COL22A1: variants seen among roughly 807,000 people sequenced by gnomAD.
The protein encoded by COL22A1 is collagen type XXII alpha 1 chain.
COL22A1 carries 221 observed loss-of-function variants against 248.9 expected under a neutral mutation model. The ratio of observed to expected loss-of-function variants is 0.89; its 90% CI spans 0.80 to 0.99. COL22A1 has a LOEUF of 0.99. Among genes scored for constraint, COL22A1 ranks in the 50% least tolerant of loss-of-function variants. The pLI is 0.00. For synonymous variants in COL22A1, 891 were observed against 793.4 expected, an observed-to-expected ratio of 1.12 and a Z score of -2.07; for missense variants, 2,240 against 2,179.0, an observed-to-expected ratio of 1.03 and a Z score of -0.56.
In COL22A1 at chr8:138,882,162, G is replaced by C. The variant is rs139188992; in HGVS notation, c.91+920C>G. ...CGAGCTCCAAACCTGCACACACTTG[G>C]TAGAGACAGGCTCACAACCCAGGAT... On this transcript the variant is annotated intron_variant, in intron 2 of 64. Transcript: ENST00000303045. 9.0e-3 allele frequency among the ~76,000 whole-genome samples: 1,368 copies of C among 152,116 alleles called. 20 individuals carry two copies. The highest frequency in any genetic ancestry group is 0.034 in the Middle Eastern group (10 of 294).
At chr8:138,751,017 A>G (rs949357741) in intron 22 of COL22A1, among the ~76,000 whole-genome samples, 1 of 130,484 alleles carries the variant, frequency 7.7e-6, no homozygotes, top group African/African-American at 2.9e-5. Flanking sequence ...TTAATTAAAT[A>G]CCATGAGATA....
intron 1 of COL22A1, among the ~76,000 whole-genome samples, chr8:138,895,107 T>C (rs933593162): frequency 6.6e-6 from 1 of 151,892 alleles, no homozygotes; most frequent in Non-Finnish European, 1.5e-5. Flanking sequence ...TGTATTTTTT[T>C]GGGGTGGTAT....
intron 50 of COL22A1, among the ~76,000 whole-genome samples, chr8:138,629,916 C>A (rs922868820): frequency 6.6e-6 from 1 of 152,188 alleles, no homozygotes; most frequent in South Asian, 2.1e-4. Context: ...TGACCCTGAA[C>A]TGGCCATTTC....
intron 4 of COL22A1, among the ~76,000 whole-genome samples, chr8:138,837,465 G>A (rs1820523296): frequency 6.6e-6 from 1 of 152,170 alleles, no homozygotes; most frequent in Non-Finnish European, 1.5e-5. Flanking sequence ...CAGCCCACCT[G>A]AACAGGACCT....
At chr8:138,902,782 AC>A (rs1814711645) in intron 1 of COL22A1, among the ~76,000 whole-genome samples, 6 of 150,486 alleles carry the variant, frequency 4.0e-5, no homozygotes, top group African/African-American at 1.5e-4. Flanking sequence ...ACACACACAC[AC>A]ACTAGAACTG....
chr8:138,808,962 C>T (rs1817951638), intron 9 of COL22A1, among the ~76,000 whole-genome samples: 2 of 152,208 alleles, frequency 1.3e-5, no homozygotes. Context: ...AAATGTTTTG[C>T]AAACTCAATT....
intron 52 of COL22A1, among the ~76,000 whole-genome samples, chr8:138,621,975 C>T (rs1015446837): frequency 6.6e-6 from 1 of 152,214 alleles, no homozygotes; most frequent in African/African-American, 2.4e-5. Context: ...CTTTTGCTCT[C>T]AGCAATGAAT....
At chr8:138,839,715 G>A (rs978827832) in intron 4 of COL22A1, among the ~76,000 whole-genome samples, 6 of 152,156 alleles carry the variant, frequency 3.9e-5, no homozygotes. Context: ...TATCTGGATG[G>A]GGGGCCCAAG....
intron 16 of COL22A1, among the ~76,000 whole-genome samples, chr8:138,770,379 ACCTGGACCT>A (rs1834261491): frequency 2.0e-5 from 3 of 152,176 alleles, no homozygotes; most frequent in Admixed American, 2.0e-4. Flanking sequence ...GGGCTCCGCC[ACCTGGACCT>A]CCTCATGCCT....
intron 41 of COL22A1, among the ~76,000 whole-genome samples, chr8:138,674,634 G>GA (rs1180704473): frequency 6.6e-6 from 1 of 152,134 alleles, no homozygotes; most frequent in Non-Finnish European, 1.5e-5. Context: ...GTGGCAGGTG[G>GA]GGTGAATTGT....
intron 30 of COL22A1, among the ~76,000 whole-genome samples, chr8:138,710,603 C>CTATATATA (rs1262617199): frequency 1.0e-5 from 1 of 97,922 alleles, no homozygotes; most frequent in Admixed American, 1.1e-4. Context: ...ATCTATCTAT[C>CTATATATA]TATCTATATA....
At chr8:138,730,769 C>T (rs535891013) in intron 23 of COL22A1, among the ~76,000 whole-genome samples, 1 of 151,688 alleles carries the variant, frequency 6.6e-6, no homozygotes, top group African/African-American at 2.4e-5. Context: ...AGGAGCATCT[C>T]GAAAAGTGGG....
intron 9 of COL22A1, among the ~76,000 whole-genome samples, chr8:138,808,855 C>T (rs1388011400): frequency 3.3e-5 from 5 of 152,316 alleles, no homozygotes; most frequent in South Asian, 2.1e-4. Context: ...CCTCACCTAG[C>T]GCCCACAAGA....
At position 138,588,401 on chromosome 8, in the gene COL22A1, A is replaced by C. The variant is rs1348601144; in HGVS notation, c.*852T>G. On this transcript the variant is annotated 3_prime_UTR_variant, in exon 65 of 65. Transcript: ENST00000303045. ...AACTGCCCATCATTAGGGAAACACAAGTGGATGGTCACCACATCCACTTGT... is the reference window on the plus strand; with the variant it reads ...AACTGCCCATCATTAGGGAAACACACGTGGATGGTCACCACATCCACTTGT... 6.6e-6 allele frequency: 1 copy of C among 152,206 alleles called. No homozygotes were observed. Among genetic ancestry groups the C allele is most frequent in the Non-Finnish European group, 1.5e-5 (1 of 68,042 alleles). The allele number at this position is 152,206 out of a possible 1,614,324, so 9.4% of individuals were successfully genotyped here. A position where few individuals can be genotyped will look rare whatever the true frequency, so the allele number is the denominator to read the frequency against.
At chr8:138,888,491 A>C (rs1824829791) in intron 1 of COL22A1, among the ~76,000 whole-genome samples, 1 of 152,210 alleles carries the variant, frequency 6.6e-6, no homozygotes, top group African/African-American at 2.4e-5. Context: ...GAACTTCCCT[A>C]TGCATGACAG....
intron 45 of COL22A1, among the ~76,000 whole-genome samples, chr8:138,652,428 T>C (rs1009717086): frequency 6.6e-6 from 1 of 152,182 alleles, no homozygotes; most frequent in Non-Finnish European, 1.5e-5. Context: ...TTTTGTTTAT[T>C]TTCCTCCCTA....
At chr8:138,773,835 G>A (rs1834595863) in intron 16 of COL22A1, among the ~76,000 whole-genome samples, 1 of 152,216 alleles carries the variant, frequency 6.6e-6, no homozygotes, top group African/African-American at 2.4e-5. Flanking sequence ...CCTTCTGTCT[G>A]AATCACTGCT....
chr8:138,836,215 G>C (rs577061869), intron 4 of COL22A1, among the ~76,000 whole-genome samples: 17 of 152,250 alleles, frequency 1.1e-4, no homozygotes, highest in African/African-American at 3.9e-4. Flanking sequence ...AGGTTGCAGT[G>C]AGCCTAGATC....
chr8:138,807,891 C>T, intron 9 of COL22A1, 79 bp from the exon 10 acceptor site: 1 of 1,413,926 alleles, frequency 7.1e-7, no homozygotes. Context: ...GTAATCCACC[C>T]CCACATGCTT....
Sources: allele counts gnomAD v4.1 joint callset (sites outside exome capture counted in the v4.1 genomes callset), GRCh38; gene constraint gnomAD v4.1.1; transcripts MANE v1.5; gene names NCBI Gene and HGNC (gene_info 2026-07-23, HGNC 2026-07-21).